REDIC1: variants seen among roughly 807,000 people sequenced by gnomAD.
The protein encoded by REDIC1 is HEI10 Interacting Protein 1.
At chr12:39,704,016 G>A in the REDIC1 span, among the ~76,000 whole-genome samples, 1 of 152,022 alleles carries the variant, frequency 6.6e-6, no homozygotes, top group African/African-American at 2.4e-5. Context: ...ATAGGCATGG[G>A]CAAGGTCATG....
the REDIC1 span, among the ~76,000 whole-genome samples, chr12:39,713,238 A>G: frequency 9.7e-6 from 1 of 102,792 alleles, no homozygotes; most frequent in Admixed American, 1.0e-4. Flanking sequence ...ATACGTGTAT[A>G]TATGTGTACA....
chr12:39,785,486 G>A, the REDIC1 span, among the ~76,000 whole-genome samples: 2 of 152,192 alleles, frequency 1.3e-5, no homozygotes, highest in Non-Finnish European at 1.5e-5. Flanking sequence ...CAGGGGCGAG[G>A]CCCTCATGGA....
chr12:39,700,374 G>A, the REDIC1 span, among the ~76,000 whole-genome samples: 1 of 152,120 alleles, frequency 6.6e-6, no homozygotes, highest in Admixed American at 6.5e-5. Flanking sequence ...AGCGAGAAGG[G>A]AAGTTTAGAG....
chr12:39,736,013 C>T, the REDIC1 span, among the ~76,000 whole-genome samples: 553 of 152,284 alleles, frequency 3.6e-3, 3 homozygotes, highest in African/African-American at 0.013. Flanking sequence ...AAAAAGAGAG[C>T]TTTGGATTTC....
the REDIC1 span, among the ~76,000 whole-genome samples, chr12:39,736,145 T>C: frequency 6.6e-6 from 1 of 152,184 alleles, no homozygotes; most frequent in Non-Finnish European, 1.5e-5. Context: ...CTAAGACCCA[T>C]GGAGATGCTA....
chr12:39,672,013 G>T, the REDIC1 span, among the ~76,000 whole-genome samples: 5 of 152,270 alleles, frequency 3.3e-5, no homozygotes, highest in South Asian at 1.0e-3. Flanking sequence ...CCTTACAGTG[G>T]TGTACATGGG....
At chr12:39,711,691 ATGTG>A in the REDIC1 span, among the ~76,000 whole-genome samples, 5 of 61,546 alleles carry the variant, frequency 8.1e-5, no homozygotes, top group African/African-American at 1.3e-4. Context: ...ATGCACATGT[ATGTG>A]TATGTGTATA....
the REDIC1 span, among the ~76,000 whole-genome samples, chr12:39,897,579 T>C: frequency 2.6e-5 from 4 of 152,168 alleles, no homozygotes; most frequent in Non-Finnish European, 5.9e-5. Context: ...CTGTCCAATG[T>C]CCAATATGGC....
At chr12:39,699,767 T>C in the REDIC1 span, among the ~76,000 whole-genome samples, 1 of 152,146 alleles carries the variant, frequency 6.6e-6, no homozygotes, top group Non-Finnish European at 1.5e-5. Context: ...GAATGCCTCC[T>C]CAAGTGGGTC....
At chr12:39,631,866 A>G in the REDIC1 span, among the ~76,000 whole-genome samples, 3 of 152,170 alleles carry the variant, frequency 2.0e-5, no homozygotes, top group Non-Finnish European at 2.9e-5. Context: ...ATACTGAAAA[A>G]TTGCTTTCTT....
the REDIC1 span, among the ~76,000 whole-genome samples, chr12:39,714,928 T>G: frequency 6.6e-6 from 1 of 151,856 alleles, no homozygotes; most frequent in Non-Finnish European, 1.5e-5. Flanking sequence ...TTTTTCTTAC[T>G]GAATTATTTG....
At chr12:39,806,130 A>C in the REDIC1 span, among the ~76,000 whole-genome samples, 1 of 152,232 alleles carries the variant, frequency 6.6e-6, no homozygotes, top group Admixed American at 6.5e-5. Context: ...AAGTTTCACA[A>C]GAGCTTCCGA....
the REDIC1 span, among the ~76,000 whole-genome samples, chr12:39,738,562 T>C: frequency 6.6e-6 from 1 of 152,246 alleles, no homozygotes; most frequent in African/African-American, 2.4e-5. Flanking sequence ...TTGACACTCC[T>C]TCCACAGAAG....
At chr12:39,723,512 C>G in the REDIC1 span, among the ~76,000 whole-genome samples, 1 of 151,618 alleles carries the variant, frequency 6.6e-6, no homozygotes, top group African/African-American at 2.4e-5. Context: ...TTTGGGCTTT[C>G]TCGGTGAAAC....
chr12:39,864,671 C>T, the REDIC1 span: 1 of 1,521,704 alleles, frequency 6.6e-7, no homozygotes, highest in South Asian at 1.3e-5. Context: ...CCAGCAAGCT[C>T]CTACTCATCT....
chr12:39,839,991 T>C, the REDIC1 span, among the ~76,000 whole-genome samples: 2 of 152,116 alleles, frequency 1.3e-5, no homozygotes. Flanking sequence ...CAATTCTATG[T>C]CTCAAGCATG....
chr12:39,745,708 G>T, the REDIC1 span, among the ~76,000 whole-genome samples: 1 of 152,300 alleles, frequency 6.6e-6, no homozygotes, highest in Non-Finnish European at 1.5e-5. Flanking sequence ...TCATCCAAAT[G>T]TGTTTATGTG....
the REDIC1 span, among the ~76,000 whole-genome samples, chr12:39,680,880 T>C: frequency 4.6e-5 from 7 of 152,278 alleles, no homozygotes; most frequent in East Asian, 1.4e-3. Context: ...AGTTGGAAAC[T>C]ATTATTCTAA....
chr12:39,713,622 AT>A, the REDIC1 span, among the ~76,000 whole-genome samples: 2 of 146,524 alleles, frequency 1.4e-5, no homozygotes, highest in Non-Finnish European at 3.0e-5. Flanking sequence ...GTATATACGC[AT>A]GTATACAGTA....
Sources: gnomAD v4.1 joint callset for allele counts (sites outside exome capture counted in the v4.1 genomes callset) on GRCh38, gnomAD v4.1.1 for gene constraint, MANE v1.5 for transcripts, NCBI Gene and HGNC (gene_info 2026-07-23, HGNC 2026-07-21) for gene names.